Variants in FABP7 observed in about 807,000 individuals in gnomAD.
The protein encoded by FABP7 is fatty acid-binding protein, brain.
Under a neutral mutation model 14.2 loss-of-function variants are expected in FABP7, and 13 were observed. That is an observed-to-expected ratio of 0.91 (90% confidence interval 0.59 to 1.45). The LOEUF (loss-of-function observed/expected upper bound fraction) is 1.45, where lower values mean the gene tolerates loss of function less well. Among genes scored for constraint, FABP7 ranks in the 40% most tolerant of loss-of-function variants. FABP7 has a pLI of 0.00. For synonymous variants in FABP7, 49 were observed against 51.4 expected (o/e 0.95, Z 0.20); for missense variants, 149 against 157.6 (o/e 0.95, Z 0.29).
chr6:122,758,567 C>CA, the FABP7 span, among the ~76,000 whole-genome samples: 11 of 151,634 alleles, frequency 7.3e-5, no homozygotes, highest in African/African-American at 9.7e-5. Context: ...ATAGTTTTAA[C>CA]AAAAAAAATC....
At chr6:122,781,340 A>G in intron 3 of FABP7, 146 bp downstream of exon 3, 1 of 1,529,636 alleles carries the variant, frequency 6.5e-7, no homozygotes, top group Non-Finnish European at 8.8e-7. Context: ...TTCTTTAACT[A>G]TATGTAAAAC....
At chr6:122,765,319 CT>C in the FABP7 span, among the ~76,000 whole-genome samples, 1 of 151,856 alleles carries the variant, frequency 6.6e-6, no homozygotes, top group Admixed American at 6.6e-5. Flanking sequence ...AGTTTAGGTC[CT>C]TTTTTCATTA....
rs1161711835 is a variant in FABP7, at chr6:122,779,875, A to G, written c.73+8A>G. ...AGTACATGAAGGCTCTAGGTAGGTA[A>G]CAATAAGACCGGCTGTTCTCTTCTC... On this transcript the variant is annotated splice_region_variant and intron_variant, in intron 1 of 3. Transcript: ENST00000368444. 2 of 1,613,264 alleles carry G rather than the reference A, an allele frequency of 1.2e-6. No individual in the cohort carries two copies. The highest frequency in any genetic ancestry group is 2.7e-5 in the African/African-American group (2 of 75,030).
At chr6:122,763,797 T>A in the FABP7 span, among the ~76,000 whole-genome samples, 1 of 152,130 alleles carries the variant, frequency 6.6e-6, no homozygotes, top group African/African-American at 2.4e-5. Context: ...AAAATGCTCA[T>A]CATCACTGGT....
At chr6:122,765,614 A>G in the FABP7 span, among the ~76,000 whole-genome samples, 4 of 151,966 alleles carry the variant, frequency 2.6e-5, no homozygotes, top group Non-Finnish European at 5.9e-5. Context: ...TCTTCAAACA[A>G]TGGCATTCTA....
At chr6:122,762,977 G>C in the FABP7 span, among the ~76,000 whole-genome samples, 1 of 152,100 alleles carries the variant, frequency 6.6e-6, no homozygotes, top group Admixed American at 6.5e-5. Flanking sequence ...GTAATTTCCA[G>C]ATTCATTGCC....
intron 1 of FABP7, 114 bp from the exon 2 acceptor site, chr6:122,780,177 T>G (rs1582518729): frequency 1.7e-6 from 2 of 1,148,796 alleles, no homozygotes; most frequent in Admixed American, 4.6e-5. Flanking sequence ...GCTAATCATG[T>G]TCTAATGAAA....
At chr6:122,778,735 C>G (rs1780714804), upstream of FABP7, among the ~76,000 whole-genome samples, 1 of 152,208 alleles carries the variant, frequency 6.6e-6, no homozygotes, top group African/African-American at 2.4e-5. Context: ...AACCAAAGCC[C>G]TTCTGATTCC....
At chr6:122,780,534 T>G in intron 2 of FABP7, 71 bp downstream of exon 2, 1 of 1,433,378 alleles carries the variant, frequency 7.0e-7, no homozygotes, top group Non-Finnish European at 9.6e-7. Flanking sequence ...CCAATGCATG[T>G]TTTTTTTAAG....
chr6:122,783,677 T>A (rs1156722844), intron 3 of FABP7, 40 bp from the exon 4 acceptor site: 1 of 1,557,886 alleles, frequency 6.4e-7, no homozygotes, highest in Non-Finnish European at 8.6e-7. Context: ...TGACTGAAGT[T>A]CCTGTATAAA....
At chr6:122,772,633 G>T in the FABP7 span, among the ~76,000 whole-genome samples, 227 of 152,232 alleles carry the variant, frequency 1.5e-3, 2 homozygotes, top group South Asian at 1.2e-3. Flanking sequence ...TGCCCAGGCT[G>T]GTCTTGAACT....
At chr6:122,778,331 A>G (rs775865474), upstream of FABP7, among the ~76,000 whole-genome samples, 1 of 152,200 alleles carries the variant, frequency 6.6e-6, no homozygotes, top group Non-Finnish European at 1.5e-5. Flanking sequence ...GTCACAAATA[A>G]AGTGAAAATT....
the FABP7 span, among the ~76,000 whole-genome samples, chr6:122,755,659 G>A: frequency 0.076 from 11,493 of 151,554 alleles, 522 homozygotes; most frequent in Middle Eastern, 0.14. Context: ...GAGTTTCACC[G>A]TGTTATCCAG....
chr6:122,755,019 T>C, the FABP7 span, among the ~76,000 whole-genome samples: 13 of 152,092 alleles, frequency 8.5e-5, no homozygotes, highest in African/African-American at 3.1e-4. Context: ...TTTTTTTTTT[T>C]TCCAGTTCAC....
the FABP7 span, among the ~76,000 whole-genome samples, chr6:122,754,297 T>C: frequency 1.3e-5 from 2 of 152,206 alleles, no homozygotes; most frequent in Non-Finnish European, 1.5e-5. Context: ...TTATATTTCA[T>C]AGAGAAAATT....
At chr6:122,782,779 T>G in intron 3 of FABP7, 1 of 985,404 alleles carries the variant, frequency 1.0e-6, no homozygotes. Flanking sequence ...ATTGAGATAT[T>G]CATGTTTCTG....
At chr6:122,749,629 C>T in the FABP7 span, among the ~76,000 whole-genome samples, 2 of 152,156 alleles carry the variant, frequency 1.3e-5, no homozygotes. Context: ...TATCCTATAT[C>T]CTTGAAAGAG....
At chr6:122,759,844 G>A in the FABP7 span, among the ~76,000 whole-genome samples, 8 of 151,784 alleles carry the variant, frequency 5.3e-5, no homozygotes, top group East Asian at 7.7e-4. Flanking sequence ...TTTACAGGCC[G>A]GGCACAGTGG....
the FABP7 span, among the ~76,000 whole-genome samples, chr6:122,765,040 G>A: frequency 6.6e-6 from 1 of 152,152 alleles, no homozygotes; most frequent in Non-Finnish European, 1.5e-5. Flanking sequence ...GAGAATGCCA[G>A]TTGATTGATT....
Sources: gnomAD v4.1 joint callset for allele counts (sites outside exome capture counted in the v4.1 genomes callset) on GRCh38, gnomAD v4.1.1 for gene constraint, MANE v1.5 for transcripts, NCBI Gene and HGNC (gene_info 2026-07-23, HGNC 2026-07-21) for gene names.